PCDH11Y: variants seen among roughly 807,000 people sequenced by gnomAD.
PCDH11Y encodes the protein protocadherin-11 Y-linked.
For synonymous variants in PCDH11Y, 9 were observed against 83.6 expected (o/e 0.11, Z 4.87); for missense variants, 12 against 224.8 (o/e 0.05, Z 6.05).
intron 2 of PCDH11Y, among the ~76,000 whole-genome samples, chrY:5,335,201 C>A (rs2053135232): frequency 3.0e-5 from 1 of 32,815 alleles, no homozygotes; most frequent in Non-Finnish European, 7.5e-5. Flanking sequence ...TTTGCATGGC[C>A]ATGGAGAAGT....
At chrY:5,246,901 T>C (rs2052996498) in intron 2 of PCDH11Y, among the ~76,000 whole-genome samples, 1 of 32,320 alleles carries the variant, frequency 3.1e-5, no homozygotes, top group East Asian at 8.3e-4. Flanking sequence ...ACCAAGCAAA[T>C]GGAAAGCAAC....
intron 4 of PCDH11Y, among the ~76,000 whole-genome samples, chrY:5,592,909 T>C: frequency 3.5e-5 from 1 of 28,933 alleles, no homozygotes; most frequent in Non-Finnish European, 8.2e-5. Context: ...GTTCTCTTTT[T>C]AGGTGACCTG....
At chrY:5,439,248 C>T (rs2053278183) in intron 2 of PCDH11Y, among the ~76,000 whole-genome samples, 1 of 32,830 alleles carries the variant, frequency 3.0e-5, no homozygotes. Flanking sequence ...CAACATACTG[C>T]AATTACTTGG....
intron 1 of PCDH11Y, among the ~76,000 whole-genome samples, chrY:5,093,817 T>C (rs2052745646): frequency 3.1e-5 from 1 of 32,446 alleles, no homozygotes; most frequent in Non-Finnish European, 7.7e-5. Context: ...AACAACCAAA[T>C]TCTGCTCTTC....
chrY:5,150,097 C>G, intron 2 of PCDH11Y, among the ~76,000 whole-genome samples: 1 of 32,227 alleles, frequency 3.1e-5, no homozygotes, highest in African/African-American at 1.2e-4. Context: ...TACATTTTTC[C>G]CAAATATCTG....
intron 4 of PCDH11Y, among the ~76,000 whole-genome samples, chrY:5,682,180 C>G: frequency 3.7e-5 from 1 of 26,746 alleles, no homozygotes; most frequent in Non-Finnish European, 8.5e-5. Context: ...CTACCCAATT[C>G]CAAAGTTGTT....
intron 4 of PCDH11Y, among the ~76,000 whole-genome samples, chrY:5,690,205 T>C (rs2053566786): frequency 2.9e-5 from 1 of 33,969 alleles, no homozygotes; most frequent in African/African-American, 1.1e-4. Flanking sequence ...AAAATATCTT[T>C]GATGAGTTTT....
chrY:5,614,735 G>A, intron 4 of PCDH11Y, among the ~76,000 whole-genome samples: 1 of 28,870 alleles, frequency 3.5e-5, no homozygotes, highest in Non-Finnish European at 7.7e-5. Flanking sequence ...GTATTTTAAC[G>A]AGTTTATTGA....
At chrY:5,562,957 T>G in intron 3 of PCDH11Y, among the ~76,000 whole-genome samples, 2 of 32,431 alleles carry the variant, frequency 6.2e-5, no homozygotes, top group South Asian at 1.3e-3. Context: ...GATATGAGTG[T>G]AAAAATTCTT....
At chrY:5,348,292 C>G in intron 2 of PCDH11Y, among the ~76,000 whole-genome samples, 1 of 32,100 alleles carries the variant, frequency 3.1e-5, no homozygotes, top group Non-Finnish European at 7.6e-5. Context: ...TGGCCATCCA[C>G]CACACACTCT....
At chrY:5,668,261 T>C in intron 4 of PCDH11Y, among the ~76,000 whole-genome samples, 1 of 33,318 alleles carries the variant, frequency 3.0e-5, no homozygotes, top group South Asian at 6.6e-4. Context: ...CATCTGATCA[T>C]TGTAGGACTA....
intron 1 of PCDH11Y, among the ~76,000 whole-genome samples, chrY:5,093,652 C>A: frequency 3.4e-5 from 1 of 29,417 alleles, no homozygotes; most frequent in African/African-American, 1.3e-4. Context: ...GACACTTTGG[C>A]TTTTATTACA....
intron 4 of PCDH11Y, among the ~76,000 whole-genome samples, chrY:5,692,030 C>T (rs1168945736): frequency 1.5e-3 from 49 of 33,528 alleles, no homozygotes; most frequent in South Asian, 8.7e-3. Flanking sequence ...CACGGCACTG[C>T]ACTTTAGCCT....
chrY:5,261,938 A>G, intron 2 of PCDH11Y, among the ~76,000 whole-genome samples: 1 of 33,092 alleles, frequency 3.0e-5, no homozygotes, highest in East Asian at 8.2e-4. Context: ...GCAAAGGACA[A>G]GATCTCATTC....
chrY:5,520,732 T>G, intron 3 of PCDH11Y, among the ~76,000 whole-genome samples: 1 of 30,086 alleles, frequency 3.3e-5, no homozygotes, highest in Non-Finnish European at 7.9e-5. Flanking sequence ...CATAGCCATT[T>G]GACACCATAT....
chrY:5,647,803 C>T, intron 4 of PCDH11Y, among the ~76,000 whole-genome samples: 3 of 33,651 alleles, frequency 8.9e-5, no homozygotes, highest in Non-Finnish European at 2.2e-4. Flanking sequence ...CCACCACTCG[C>T]AGCCTTGAGT....
intron 2 of PCDH11Y, among the ~76,000 whole-genome samples, chrY:5,307,985 A>G (rs1602902017): frequency 3.0e-3 from 100 of 33,290 alleles, no homozygotes; most frequent in African/African-American, 0.01. Context: ...ACAATACAAC[A>G]TAAACCCAAG....
At chrY:5,216,682 T>A (rs2124651878) in intron 2 of PCDH11Y, among the ~76,000 whole-genome samples, 2 of 29,314 alleles carry the variant, frequency 6.8e-5, no homozygotes, top group Non-Finnish European at 1.6e-4. Flanking sequence ...ATTTTTTTTT[T>A]AAATCTTATA....
chrY:5,293,402 T>C, intron 2 of PCDH11Y, among the ~76,000 whole-genome samples: 1 of 32,738 alleles, frequency 3.1e-5, no homozygotes, highest in Non-Finnish European at 7.5e-5. Flanking sequence ...AGTGCTGTGA[T>C]TACAGGTGTG....
Sources: gnomAD v4.1 joint callset for allele counts (sites outside exome capture counted in the v4.1 genomes callset) on GRCh38, gnomAD v4.1.1 for gene constraint, MANE v1.5 for transcripts, NCBI Gene and HGNC (gene_info 2026-07-23, HGNC 2026-07-21) for gene names.